Variants in NEBL observed in about 807,000 individuals in gnomAD.
The protein encoded by NEBL is nebulette, also known as LIM and SH3 protein 2.
In NEBL, 122 loss-of-function variants were observed where a neutral mutation model predicts 140.2. That is an observed-to-expected ratio of 0.87 (90% CI 0.75 to 1.01). NEBL has a LOEUF of 1.01. Among genes scored for constraint, NEBL ranks in the 50% least tolerant of loss-of-function variants. NEBL has a pLI of 0.00. For synonymous variants in NEBL, 436 were observed against 398.9 expected, an observed-to-expected ratio of 1.09 and a Z score of -1.11; for missense variants, 1,365 against 1,231.3, an observed-to-expected ratio of 1.11 and a Z score of -1.62.
chr10:20,981,437 C>A (rs1325512600), intron 3 of NEBL, among the ~76,000 whole-genome samples: 1 of 152,070 alleles, frequency 6.6e-6, no homozygotes, highest in African/African-American at 2.4e-5. Context: ...ATAAAACAAT[C>A]ACTTTATAAA....
In NEBL at chr10:20,859,745, G is replaced by T. The variant is rs1369322057; in HGVS notation, c.766C>A (p.Gln256Lys). ...GCCAGTGTAGCAGCAAGCTGATTCT[G>T]CCTAAAAGAAGCACTTTCAAGAGGA... ...YNPLESASFR[Q>K]NQLAATLASN... The change falls in exon 8 of 28, where the codon CAG becomes AAG. Residue 256 changes from glutamine to lysine, a missense_variant. Gln to Lys is a moderately conservative substitution (Grantham distance 53). Around this residue, in one of 2 missense-constraint regions of NEBL, gnomAD observed 1,323 missense variants for 1,154.8 expected, o/e 1.15. Coordinates refer to ENST00000377122, the MANE Select transcript of NEBL (RefSeq NM_006393.3). The T allele has an allele frequency of 3.7e-6, 6 of 1,602,262 alleles. No homozygotes were observed. The highest frequency in any genetic ancestry group is 1.3e-5 in the African/African-American group (1 of 74,610).
At chr10:20,830,760 A>G (rs1840322376) in intron 16 of NEBL, among the ~76,000 whole-genome samples, 1 of 151,440 alleles carries the variant, frequency 6.6e-6, no homozygotes, top group Admixed American at 6.6e-5. Context: ...AAGAAAGAAA[A>G]GGTTAAAATA....
At chr10:21,043,101 C>G (rs1419136565) in intron 2 of NEBL, among the ~76,000 whole-genome samples, 1 of 152,186 alleles carries the variant, frequency 6.6e-6, no homozygotes, top group Non-Finnish European at 1.5e-5. Context: ...AGACTTAAAT[C>G]TGACAGAAGT....
chr10:20,904,977 T>A lies in NEBL; in HGVS notation c.357+56695A>T, dbSNP rs114198157. The stretch of plus-strand genomic sequence containing the variant: ...TATGAATTTTATGAAAACACAGCAA[T>A]GTAAATAGTTTCCTAGTAATTTATG... On this transcript the variant is annotated intron_variant, in intron 4 of 6. Transcript: ENST00000417816. 1.9e-3 allele frequency among the ~76,000 whole-genome samples: 282 copies of A among 152,330 alleles called. 1 individual carries two copies. The highest frequency in any genetic ancestry group is 6.6e-3 in the African/African-American group (276 of 41,562).
chr10:21,227,564 C>A (rs192721920), intron 3 of NEBL, among the ~76,000 whole-genome samples: 104 of 152,352 alleles, frequency 6.8e-4, no homozygotes, highest in African/African-American at 2.5e-3. Flanking sequence ...GCCAGTTCCC[C>A]CAGGTCAGAG....
intron 1 of NEBL, among the ~76,000 whole-genome samples, chr10:21,282,463 A>G (rs755437177): frequency 4.6e-5 from 7 of 152,178 alleles, no homozygotes; most frequent in Non-Finnish European, 8.8e-5. Context: ...CCCAGGAAGG[A>G]CGAAGTCATA....
intron 3 of NEBL, among the ~76,000 whole-genome samples, chr10:21,181,657 G>A (rs1158564032): frequency 6.6e-6 from 1 of 152,200 alleles, no homozygotes; most frequent in Non-Finnish European, 1.5e-5. Flanking sequence ...ACCACGTGCT[G>A]CTTTTCACCC....
At chr10:21,289,187 C>T (rs1353208414) in intron 1 of NEBL, among the ~76,000 whole-genome samples, 3 of 151,880 alleles carry the variant, frequency 2.0e-5, no homozygotes, top group Admixed American at 2.0e-4. Flanking sequence ...AGGACTTAAG[C>T]CCGGTTGTTC....
intron 7 of NEBL, among the ~76,000 whole-genome samples, chr10:20,867,414 G>A (rs1354023608): frequency 3.9e-5 from 6 of 152,054 alleles, no homozygotes; most frequent in Non-Finnish European, 8.8e-5. Flanking sequence ...TCTGCAACTT[G>A]AGAAATGAGT....
In NEBL at chr10:20,780,625, G is replaced by T. The variant is rs1021526812; in HGVS notation, c.*5122C>A. 2 of 152,182 alleles carry T rather than the reference G, an allele frequency of 1.3e-5. No individual in the cohort carries two copies. The highest frequency in any genetic ancestry group is 1.3e-4 in the Admixed American group (2 of 15,278). 9.4% of individuals were successfully genotyped at this position (152,182 alleles called of 1,614,324 possible). ...TCCAAGAAACCACGGTGAGAGCCAA[G>T]AAGTGAACCATTTTTTTTATATCCT... On this transcript the variant is annotated 3_prime_UTR_variant, in exon 28 of 28. Coordinates refer to ENST00000377122, the MANE Select transcript of NEBL (RefSeq NM_006393.3).
chr10:20,932,427 TG>T (rs1319892925), intron 4 of NEBL, among the ~76,000 whole-genome samples: 2 of 145,336 alleles, frequency 1.4e-5, no homozygotes, highest in Non-Finnish European at 3.0e-5. Flanking sequence ...GGCTGGGGGG[TG>T]GGGGAGAAAG....
chr10:20,950,120 T>A (rs527972685), intron 4 of NEBL, among the ~76,000 whole-genome samples: 43 of 152,322 alleles, frequency 2.8e-4, no homozygotes, highest in African/African-American at 1.0e-3. Flanking sequence ...CAGAGCTTGT[T>A]GCTCTAACAT....
chr10:21,257,605 G>T (rs1013344169), intron 1 of NEBL, among the ~76,000 whole-genome samples: 2 of 152,160 alleles, frequency 1.3e-5, no homozygotes, highest in Non-Finnish European at 2.9e-5. Context: ...CCACCAAAAC[G>T]CCGTGCATGG....
At chr10:21,035,764 T>G (rs191123897) in intron 2 of NEBL, among the ~76,000 whole-genome samples, 2 of 152,128 alleles carry the variant, frequency 1.3e-5, no homozygotes, top group African/African-American at 4.8e-5. Context: ...TCTTCTCAAA[T>G]GGCAAACCTC....
chr10:21,163,006 A>G (rs1341553631), intron 2 of NEBL, among the ~76,000 whole-genome samples: 1 of 152,226 alleles, frequency 6.6e-6, no homozygotes, highest in African/African-American at 2.4e-5. Context: ...ATTAGATTGG[A>G]TATTCCAATG....
At chr10:20,903,674 T>C (rs1208141399) in intron 4 of NEBL, among the ~76,000 whole-genome samples, 1 of 152,066 alleles carries the variant, frequency 6.6e-6, no homozygotes, top group African/African-American at 2.4e-5. Context: ...CACCACGGAA[T>C]ACAACTCAGG....
chr10:21,240,001 G>A (rs1842417345), intron 3 of NEBL, among the ~76,000 whole-genome samples: 1 of 151,292 alleles, frequency 6.6e-6, no homozygotes, highest in East Asian at 1.9e-4. Context: ...GGGTGACAGA[G>A]CGAGACTCTG....
chr10:20,916,127 A>G lies in NEBL; in HGVS notation c.357+45545T>C, dbSNP rs930641749. ...TGAATCACGAGGTGATTAATCAGTC[A>G]TCTAGTTCAACTAGATGTTTGATGA... On this transcript the variant is annotated intron_variant, in intron 4 of 6. Transcript: ENST00000417816. Among the ~76,000 whole-genome samples the G allele has an allele frequency of 3.9e-5, 6 of 152,190 alleles. No homozygotes were observed. In the South Asian group the frequency reaches 8.3e-4, roughly 21 times the overall value.
chr10:20,998,542 C>T (rs1837759348), intron 3 of NEBL, among the ~76,000 whole-genome samples: 2 of 152,030 alleles, frequency 1.3e-5, no homozygotes, highest in Non-Finnish European at 2.9e-5. Context: ...CTGGCTGCTT[C>T]AAGAAATGTG....
Sources: gnomAD v4.1 joint callset for allele counts (sites outside exome capture counted in the v4.1 genomes callset) on GRCh38, gnomAD v4.1.1 for gene constraint, gnomAD v4.1.1 regional missense constraint, MANE v1.5 for transcripts, NCBI Gene and HGNC (gene_info 2026-07-23, HGNC 2026-07-21) for gene names.